The following DLG2 variants were observed in gnomAD, a reference collection of about 807,000 sequenced individuals.
DLG2 encodes disks large homolog 2.
DLG2 carries 45 observed loss-of-function variants against 132.5 expected under a neutral mutation model. The ratio of observed to expected loss-of-function variants is 0.34; its 90% confidence interval spans 0.27 to 0.44. The LOEUF (loss-of-function observed/expected upper bound fraction) is 0.44, where lower values mean the gene tolerates loss of function less well. Ranked by LOEUF, DLG2 falls within the 20% of genes least tolerant of loss-of-function variation. DLG2 has a pLI of 1.00. For synonymous variants in DLG2, 424 were observed against 419.6 expected, an observed-to-expected ratio of 1.01 and a Z score of -0.13; for missense variants, 1,045 against 1,196.9, an observed-to-expected ratio of 0.87 and a Z score of 1.87.
intron 6 of DLG2, among the ~76,000 whole-genome samples, chr11:85,057,138 T>A (rs2063543568): frequency 6.6e-6 from 1 of 151,340 alleles, no homozygotes; most frequent in Non-Finnish European, 1.5e-5. Context: ...TATCTAGAAA[T>A]CAAAGTTTCC....
chr11:85,347,658 C>CT (rs1225550237), intron 3 of DLG2, among the ~76,000 whole-genome samples: 4 of 151,906 alleles, frequency 2.6e-5, no homozygotes, highest in Admixed American at 1.3e-4. Context: ...ATCTGTATGC[C>CT]TTTTTTTCCT....
At chr11:83,867,962 GA>G (rs1048484878) in intron 16 of DLG2, among the ~76,000 whole-genome samples, 5 of 151,182 alleles carry the variant, frequency 3.3e-5, no homozygotes, top group African/African-American at 7.3e-5. Flanking sequence ...TAAGGAAATG[GA>G]AAAAAAAATC....
At chr11:85,148,421 T>G (rs2077002875) in intron 5 of DLG2, among the ~76,000 whole-genome samples, 1 of 152,134 alleles carries the variant, frequency 6.6e-6, no homozygotes, top group Non-Finnish European at 1.5e-5. Flanking sequence ...ATCTATTGTT[T>G]GTTGCTTTTT....
chr11:83,735,467 C>T (rs1172190402), intron 18 of DLG2, among the ~76,000 whole-genome samples: 3 of 152,108 alleles, frequency 2.0e-5, no homozygotes, highest in African/African-American at 7.2e-5. Flanking sequence ...GTTGTTAAAT[C>T]CTACTATTCC....
At chr11:84,628,844 T>C (rs139927668) in intron 6 of DLG2, among the ~76,000 whole-genome samples, 5 of 152,284 alleles carry the variant, frequency 3.3e-5, no homozygotes, top group Non-Finnish European at 7.4e-5. Flanking sequence ...CTTAGCAAAG[T>C]GTTCAATGAA....
At chr11:85,456,006 T>C (rs150193424) in intron 3 of DLG2, among the ~76,000 whole-genome samples, 2 of 152,214 alleles carry the variant, frequency 1.3e-5, no homozygotes, top group Non-Finnish European at 2.9e-5. Flanking sequence ...GGTATCAGGA[T>C]GATACCTGCT....
rs545781612 is a variant in DLG2, at chr11:84,600,086, G to A, written c.358-65355C>T. On this transcript the variant is annotated intron_variant, in intron 6 of 27. Transcript: ENST00000376104. ...AGCCTGGGCCACAGAGTGACACCTT[G>A]AAAAAAAAAAAGTAAGAAGGAAGGA... 2.7e-4 allele frequency among the ~76,000 whole-genome samples: 29 copies of A among 108,716 alleles called. 2 individuals are homozygous for A. In the South Asian group the frequency reaches 7.7e-3, roughly 29 times the overall value. 71.3% of individuals were successfully genotyped at this position (108,716 alleles called of 152,430 possible).
At chr11:84,254,558 C>A (rs950781596) in intron 7 of DLG2, among the ~76,000 whole-genome samples, 24 of 152,118 alleles carry the variant, frequency 1.6e-4, no homozygotes, top group Admixed American at 5.9e-4. Context: ...CTTTGTAAAG[C>A]ACTTCTAAAG....
intron 6 of DLG2, among the ~76,000 whole-genome samples, chr11:84,707,174 C>T (rs1449118182): frequency 6.6e-6 from 1 of 151,760 alleles, no homozygotes; most frequent in Admixed American, 6.6e-5. Flanking sequence ...AAGCGAACAC[C>T]TAGAGTCTGA....
At chr11:83,717,484 C>G (rs1025404548) in intron 18 of DLG2, among the ~76,000 whole-genome samples, 2 of 152,238 alleles carry the variant, frequency 1.3e-5, no homozygotes, top group African/African-American at 4.8e-5. Context: ...GGGGCTTAGT[C>G]ACATAGTCCA....
chr11:85,531,219 G>C (rs900824864), intron 3 of DLG2, among the ~76,000 whole-genome samples: 1 of 152,164 alleles, frequency 6.6e-6, no homozygotes, highest in African/African-American at 2.4e-5. Context: ...AAAATGATGA[G>C]TGTTGTTATT....
intron 6 of DLG2, among the ~76,000 whole-genome samples, chr11:84,629,788 GGAGA>G (rs1426945593): frequency 6.6e-6 from 1 of 152,042 alleles, no homozygotes; most frequent in Non-Finnish European, 1.5e-5. Flanking sequence ...ACGGAGAGAG[GGAGA>G]GAAAGTTACA....
At chr11:83,953,194 G>T (rs1411525794) in intron 14 of DLG2, among the ~76,000 whole-genome samples, 1 of 152,102 alleles carries the variant, frequency 6.6e-6, no homozygotes, top group South Asian at 2.1e-4. Flanking sequence ...CCTATATTTT[G>T]TTCAGGTAAT....
intron 7 of DLG2, among the ~76,000 whole-genome samples, chr11:84,285,152 T>C (rs946998021): frequency 1.2e-4 from 18 of 152,356 alleles, no homozygotes; most frequent in Admixed American, 2.0e-4. Context: ...TGGTCATCTC[T>C]GCTCAGATAT....
intron 10 of DLG2, among the ~76,000 whole-genome samples, chr11:84,062,728 T>G (rs2096610159): frequency 1.1e-5 from 1 of 92,952 alleles, no homozygotes; most frequent in Non-Finnish European, 2.5e-5. Context: ...TCAGAGTTGA[T>G]TGTTTTAATT....
rs2152422818 is a variant in DLG2, at chr11:85,136,644, A to T, written c.282+17912T>A. ...GATTCTTAGTAAAACCTATCATTGA[A>T]AGTTTGATATCATAAAATTACTCTT... On this transcript the variant is annotated intron_variant, in intron 5 of 27. Coordinates refer to ENST00000376104, the MANE Select transcript of DLG2 (RefSeq NM_001142699.3). 2.0e-5 allele frequency among the ~76,000 whole-genome samples: 3 copies of T among 152,326 alleles called. No homozygotes were observed. The Middle Eastern group carries it at 0.01, about 518-fold the overall frequency.
At position 83,865,968 on chromosome 11, in the gene DLG2, C is replaced by T. The variant is rs1296799450; in HGVS notation, c.1565+8452G>A. ...GCCATTGATAATGACCTTTTCTTTG[C>T]CTAGTCAAGGTCTATTGGTCATTCA... On this transcript the variant is annotated intron_variant, in intron 16 of 27. Coordinates refer to ENST00000376104, the MANE Select transcript of DLG2 (RefSeq NM_001142699.3). Among the ~76,000 whole-genome samples, 3 of 152,118 alleles carry T rather than the reference C, an allele frequency of 2.0e-5. No homozygotes were observed. The East Asian group carries it at 5.8e-4, about 29-fold the overall frequency.
At chr11:83,928,585 G>C (rs1434349303) in intron 15 of DLG2, among the ~76,000 whole-genome samples, 1 of 152,116 alleles carries the variant, frequency 6.6e-6, no homozygotes, top group African/African-American at 2.4e-5. Flanking sequence ...GATAGAAAAA[G>C]AGAAATGGGG....
chr11:85,044,846 A>C (rs1180057305), intron 6 of DLG2, among the ~76,000 whole-genome samples: 1 of 152,034 alleles, frequency 6.6e-6, no homozygotes, highest in Non-Finnish European at 1.5e-5. Context: ...TTTTCATGAA[A>C]ATGTTTATAG....
Sources: gnomAD v4.1 joint callset for allele counts (sites outside exome capture counted in the v4.1 genomes callset) on GRCh38, gnomAD v4.1.1 for gene constraint, MANE v1.5 for transcripts, NCBI Gene and HGNC (gene_info 2026-07-23, HGNC 2026-07-21) for gene names.